Variants in EPHB1 observed in about 807,000 individuals in gnomAD.
EPHB1 encodes the protein ephrin type-B receptor 1.
EPHB1 carries 30 observed loss-of-function variants against 94.4 expected under a neutral mutation model. The ratio of observed to expected loss-of-function variants is 0.32; its 90% CI spans 0.24 to 0.43. EPHB1 has a LOEUF of 0.43. Ranked by LOEUF, EPHB1 falls within the 20% of genes least tolerant of loss-of-function variation. The probability of loss-of-function intolerance (pLI) is 1.00; values close to 1 mark genes in which losing one functional copy is unlikely to be tolerated. For missense variants in EPHB1, 1,055 were observed against 1,308.3 expected, an observed-to-expected ratio of 0.81 and a Z score of 2.99; for synonymous variants, 522 against 489.1, an observed-to-expected ratio of 1.07 and a Z score of -0.89.
chr3:135,054,192 C>G (rs1937281622), intron 3 of EPHB1, among the ~76,000 whole-genome samples: 1 of 151,862 alleles, frequency 6.6e-6, no homozygotes, highest in African/African-American at 2.4e-5. Flanking sequence ...AGTTGAAAGC[C>G]TCAAATTAAG....
At chr3:135,229,426 TTAAA>T (rs1943481361) in intron 12 of EPHB1, among the ~76,000 whole-genome samples, 1 of 152,108 alleles carries the variant, frequency 6.6e-6, no homozygotes, top group Non-Finnish European at 1.5e-5. Flanking sequence ...CTGATTATTT[TTAAA>T]TAGCTGTTGG....
intron 3 of EPHB1, among the ~76,000 whole-genome samples, chr3:135,014,483 G>A (rs1576317334): frequency 6.6e-6 from 1 of 152,172 alleles, no homozygotes; most frequent in Non-Finnish European, 1.5e-5. Flanking sequence ...AGTTATCCAG[G>A]TATTTATTTA....
At chr3:134,949,215 G>A (rs1932918565) in intron 2 of EPHB1, among the ~76,000 whole-genome samples, 1 of 152,134 alleles carries the variant, frequency 6.6e-6, no homozygotes, top group African/African-American at 2.4e-5. Flanking sequence ...CTGATCTGTT[G>A]GTGAGGGACT....
intron 3 of EPHB1, among the ~76,000 whole-genome samples, chr3:134,978,995 G>A (rs1934304969): frequency 6.6e-6 from 1 of 152,200 alleles, no homozygotes; most frequent in Admixed American, 6.5e-5. Context: ...GTGGGGCCAG[G>A]GGCCTTGGGG....
chr3:134,973,446 T>TTTG, intron 3 of EPHB1, among the ~76,000 whole-genome samples: 1 of 148,160 alleles, frequency 6.7e-6, no homozygotes. Flanking sequence ...TTTTTTTTTT[T>TTTG]TTGAGATAGA....
intron 3 of EPHB1, among the ~76,000 whole-genome samples, chr3:134,985,923 A>G (rs960144243): frequency 2.0e-5 from 3 of 152,086 alleles, no homozygotes; most frequent in Non-Finnish European, 4.4e-5. Context: ...ATAGCAAATG[A>G]CTTTGGAGCC....
chr3:135,251,648 A>G (rs1314499121), intron 15 of EPHB1, among the ~76,000 whole-genome samples: 1 of 152,238 alleles, frequency 6.6e-6, no homozygotes, highest in African/African-American at 2.4e-5. Context: ...TTCAAAATTC[A>G]AGCATGCTTC....
At chr3:134,880,078 C>A in intron 1 of EPHB1, among the ~76,000 whole-genome samples, 1 of 152,238 alleles carries the variant, frequency 6.6e-6, no homozygotes. Flanking sequence ...TCAGCAACTG[C>A]ACCTTTTGCT....
chr3:134,885,720 T>G (rs1160020553), intron 1 of EPHB1, among the ~76,000 whole-genome samples: 1 of 152,218 alleles, frequency 6.6e-6, no homozygotes, highest in Non-Finnish European at 1.5e-5. Flanking sequence ...GGGGCTTAGT[T>G]ACTGTTGTCT....
At chr3:135,214,902 C>A (rs1232742682) in intron 12 of EPHB1, among the ~76,000 whole-genome samples, 2 of 152,200 alleles carry the variant, frequency 1.3e-5, no homozygotes, top group African/African-American at 2.4e-5. Context: ...AGTTCTTTGG[C>A]ATGGTACGAG....
chr3:135,106,665 G>T (rs1939231875), intron 4 of EPHB1, 62 bp downstream of exon 4: 1 of 1,597,356 alleles, frequency 6.3e-7, no homozygotes, highest in African/African-American at 1.3e-5. Context: ...CAAGTGGTGG[G>T]TCTGGGGCAA....
intron 4 of EPHB1, among the ~76,000 whole-genome samples, chr3:135,124,420 G>A (rs1268761797): frequency 5.9e-5 from 9 of 151,676 alleles, no homozygotes; most frequent in Admixed American, 2.0e-4. Context: ...GCTCCATGAG[G>A]GCAGTGTCTG....
chr3:134,867,577 G>A (rs1483013256), intron 1 of EPHB1, among the ~76,000 whole-genome samples: 1 of 152,174 alleles, frequency 6.6e-6, no homozygotes, highest in Admixed American at 6.5e-5. Context: ...GAAGCAACAG[G>A]CTTCAGCAGT....
intron 7 of EPHB1, among the ~76,000 whole-genome samples, chr3:135,163,218 C>G (rs890850274): frequency 6.6e-6 from 1 of 152,178 alleles, no homozygotes; most frequent in Non-Finnish European, 1.5e-5. Context: ...CTTTTAAAAT[C>G]AGTTGGGTTC....
chr3:135,197,577 A>T (rs951787541), intron 11 of EPHB1, among the ~76,000 whole-genome samples: 2 of 152,210 alleles, frequency 1.3e-5, no homozygotes, highest in Non-Finnish European at 2.9e-5. Context: ...TAAGAGTTTC[A>T]TTTCCTGAAG....
At chr3:134,905,529 C>T (rs952032242) in intron 1 of EPHB1, among the ~76,000 whole-genome samples, 1 of 152,220 alleles carries the variant, frequency 6.6e-6, no homozygotes, top group African/African-American at 2.4e-5. Flanking sequence ...CAGCCCAGCA[C>T]ATCTGTAGGG....
In EPHB1 at chr3:135,083,695, C is replaced by G. The variant is rs58373642; in HGVS notation, c.806-22753C>G. Among the ~76,000 whole-genome samples the G allele has an allele frequency of 9.8e-3, 1,490 of 152,114 alleles. 19 individuals are homozygous for G. The highest frequency in any genetic ancestry group is 0.034 in the African/African-American group (1,430 of 41,484). Reference sequence around the variant, plus strand: ...TAGGAGAAGGTGGTGATACTCCCACCTGCTGTTCTCCTATTTTTCTAACTG... The same window carrying G: ...TAGGAGAAGGTGGTGATACTCCCACGTGCTGTTCTCCTATTTTTCTAACTG... On this transcript the variant is annotated intron_variant, in intron 3 of 15. Transcript: ENST00000398015.
intron 12 of EPHB1, among the ~76,000 whole-genome samples, chr3:135,237,721 G>A (rs570033894): frequency 6.6e-6 from 1 of 152,318 alleles, no homozygotes; most frequent in Admixed American, 6.5e-5. Context: ...TGAGCCCCAT[G>A]CATTCTTCAC....
At chr3:135,178,358 C>A (rs142559763) in intron 9 of EPHB1, among the ~76,000 whole-genome samples, 2,388 of 150,106 alleles carry the variant, frequency 0.016, 26 homozygotes, top group Middle Eastern at 0.034. Context: ...CAGGAGGCTG[C>A]GGCAGAAGAA....
Sources: allele counts gnomAD v4.1 joint callset (sites outside exome capture counted in the v4.1 genomes callset), GRCh38; gene constraint gnomAD v4.1.1; transcripts MANE v1.5; gene names NCBI Gene and HGNC (gene_info 2026-07-23, HGNC 2026-07-21).